CFAP299: variants seen among roughly 807,000 people sequenced by gnomAD.
CFAP299 encodes the protein cilia- and flagella-associated protein 299.
In CFAP299, 21 loss-of-function variants were observed where a neutral mutation model predicts 27.0. The ratio of observed to expected loss-of-function variants is 0.78; its 90% CI spans 0.55 to 1.12. The LOEUF (loss-of-function observed/expected upper bound fraction) is 1.12. CFAP299 is among the 50% of genes most tolerant of loss of function. The pLI is 0.00. For missense variants in CFAP299, 310 were observed against 276.6 expected (o/e 1.12, Z -0.86); for synonymous variants, 104 against 98.1 (o/e 1.06, Z -0.36).
At chr4:80,598,771 C>T (rs1266948588) in intron 3 of CFAP299, among the ~76,000 whole-genome samples, 1 of 152,148 alleles carries the variant, frequency 6.6e-6, no homozygotes, top group Non-Finnish European at 1.5e-5. Flanking sequence ...AACTGCAAAT[C>T]GTGTTTAAGC....
chr4:80,706,397 A>C (rs986106945), intron 3 of CFAP299, among the ~76,000 whole-genome samples: 7 of 151,794 alleles, frequency 4.6e-5, no homozygotes, highest in Admixed American at 1.3e-4. Context: ...ATAAACTTCA[A>C]AGTTTCAAAG....
chr4:80,608,886 T>C (rs1737821180), intron 3 of CFAP299, among the ~76,000 whole-genome samples: 1 of 151,652 alleles, frequency 6.6e-6, no homozygotes, highest in Non-Finnish European at 1.5e-5. Flanking sequence ...TGTGTGTGTG[T>C]GTGTATGTGC....
chr4:80,879,272 A>G (rs1733571210), intron 4 of CFAP299, among the ~76,000 whole-genome samples: 1 of 152,158 alleles, frequency 6.6e-6, no homozygotes. Context: ...GTAGCCCTAT[A>G]AGTCTAGTGA....
intron 2 of CFAP299, among the ~76,000 whole-genome samples, chr4:80,493,817 A>G (rs6826355): frequency 0.34 from 39,831 of 118,112 alleles, 8,068 homozygotes; most frequent in African/African-American, 0.62. Flanking sequence ...CGCCCAGGCC[A>G]GACTGCGGAC....
intron 2 of CFAP299, among the ~76,000 whole-genome samples, chr4:80,512,392 C>T (rs948840709): frequency 6.6e-6 from 1 of 152,082 alleles, no homozygotes; most frequent in East Asian, 1.9e-4. Flanking sequence ...AAAATTGCAC[C>T]TAACTTTTAC....
chr4:80,898,471 G>A (rs1359448701), intron 4 of CFAP299, among the ~76,000 whole-genome samples: 1 of 152,074 alleles, frequency 6.6e-6, no homozygotes, highest in Non-Finnish European at 1.5e-5. Flanking sequence ...GGCACTGGAT[G>A]TGGGGGGTGG....
chr4:80,673,310 T>C (rs1741614750), intron 3 of CFAP299, among the ~76,000 whole-genome samples: 1 of 152,178 alleles, frequency 6.6e-6, no homozygotes, highest in Non-Finnish European at 1.5e-5. Flanking sequence ...TTCCATGTAG[T>C]TGAGCGGTTT....
chr4:80,482,579 T>A (rs967902158), intron 2 of CFAP299, among the ~76,000 whole-genome samples: 1 of 152,068 alleles, frequency 6.6e-6, no homozygotes, highest in Non-Finnish European at 1.5e-5. Context: ...TGGGCAGAAA[T>A]TAGAAGAGGT....
intron 1 of CFAP299, among the ~76,000 whole-genome samples, chr4:80,349,162 C>A (rs1338355316): frequency 1.3e-5 from 2 of 152,288 alleles, no homozygotes; most frequent in Admixed American, 1.3e-4. Context: ...AGTCACAGAG[C>A]TAACCATGCA....
At chr4:80,557,906 C>T (rs1034634268) in intron 2 of CFAP299, among the ~76,000 whole-genome samples, 1 of 152,096 alleles carries the variant, frequency 6.6e-6, no homozygotes, top group Non-Finnish European at 1.5e-5. Flanking sequence ...AGCTAACTTT[C>T]GCCACCAAAA....
chr4:80,353,701 T>A, intron 1 of CFAP299, among the ~76,000 whole-genome samples: 1 of 151,862 alleles, frequency 6.6e-6, no homozygotes, highest in African/African-American at 2.4e-5. Flanking sequence ...CTGGGCAGGT[T>A]GAGAGGGCAG....
Position 80,944,891 on chromosome 4 carries a change from AC to A in CFAP299, c.559del (p.Leu187PhefsTer29), listed in dbSNP as rs762559834. On this transcript the variant is annotated frameshift_variant, in exon 5 of 6. Coordinates refer to ENST00000358105, the MANE Select transcript of CFAP299 (RefSeq NM_152770.3). LOFTEE classifies it high-confidence loss of function. Reference sequence around the variant, plus strand: ...TGATTGCCGATAATCCAGAAGGCTTACTTTTCAGATACAAAAGAGACAGAAA... The same window carrying A: ...TGATTGCCGATAATCCAGAAGGCTTATTTTCAGATACAAAAGAGACAGAAA... The part of the protein sequence containing the change: ...QVIADNPEGL[L>X]FRYKRDRKIL... 1 of 1,613,004 alleles carries A rather than the reference AC, an allele frequency of 6.2e-7. No homozygotes were observed. The highest frequency in any genetic ancestry group is 8.5e-7 in the Non-Finnish European group (1 of 1,179,200).
intron 2 of CFAP299, among the ~76,000 whole-genome samples, chr4:80,375,065 G>A (rs1213409761): frequency 1.3e-5 from 2 of 152,086 alleles, no homozygotes; most frequent in African/African-American, 2.4e-5. Context: ...CCTGGAACAA[G>A]CAATGGCCCG....
chr4:80,515,184 A>AT (rs1379559459), intron 2 of CFAP299, among the ~76,000 whole-genome samples: 1 of 152,168 alleles, frequency 6.6e-6, no homozygotes, highest in Non-Finnish European at 1.5e-5. Flanking sequence ...CCACCAAGTG[A>AT]TTTTCCATTG....
At position 80,390,522 on chromosome 4, in the gene CFAP299, T is replaced by TATATATGTATACACAC. The variant is rs1560543021; in HGVS notation, c.242+27649_242+27650insCACACATATATGTATA. ...ATATGTATATATACACACATATATG[T>TATATATGTATACACAC]ATATATGTATATATGTATACACACA... On this transcript the variant is annotated intron_variant, in intron 2 of 5. Transcript: ENST00000358105. Among the ~76,000 whole-genome samples, 37 of 40,004 alleles carry TATATATGTATACACAC rather than the reference T, an allele frequency of 9.2e-4. 3 individuals carry two copies. The highest frequency in any genetic ancestry group is 2.2e-3 in the African/African-American group (34 of 15,584). 26.2% of individuals were successfully genotyped at this position (40,004 alleles called of 152,430 possible).
rs556330103 is a variant in CFAP299, at chr4:80,671,876, C to G, written c.333+88693C>G. On this transcript the variant is annotated intron_variant, in intron 3 of 5. Coordinates refer to ENST00000358105, the MANE Select transcript of CFAP299 (RefSeq NM_152770.3). ...CTGAGACTTTGCTGAAGTTGCTTAT[C>G]AGCTTAAGGAGATTTTGGACTGAGA... Among the ~76,000 whole-genome samples the G allele has an allele frequency of 9.2e-5, 14 of 152,262 alleles. No homozygotes were observed. In the East Asian group the frequency reaches 2.3e-3, roughly 25 times the overall value.
At position 80,879,953 on chromosome 4, in the gene CFAP299, T is replaced by G. The variant is rs139673962; in HGVS notation, c.476+9818T>G. ...TTCCTATAATCTGTCTTTACTATCA[T>G]TCATGCATTTGGAGGTCTACAAAGT... On this transcript the variant is annotated intron_variant, in intron 4 of 5. Transcript: ENST00000358105. Among the ~76,000 whole-genome samples the G allele has an allele frequency of 2.9e-3, 439 of 152,348 alleles. 2 individuals carry two copies. The highest frequency in any genetic ancestry group is 0.01 in the African/African-American group (425 of 41,588).
intron 4 of CFAP299, among the ~76,000 whole-genome samples, chr4:80,937,027 C>T (rs988716995): frequency 6.6e-6 from 1 of 151,920 alleles, no homozygotes; most frequent in African/African-American, 2.4e-5. Context: ...GGTGATCTAT[C>T]CAATGATATA....
At chr4:80,882,765 T>C (rs1042301960) in intron 4 of CFAP299, among the ~76,000 whole-genome samples, 2 of 151,652 alleles carry the variant, frequency 1.3e-5, no homozygotes, top group Non-Finnish European at 1.5e-5. Context: ...TGAGATAATA[T>C]ATTCAAAATA....
Sources: gnomAD v4.1 joint callset for allele counts (sites outside exome capture counted in the v4.1 genomes callset) on GRCh38, gnomAD v4.1.1 for gene constraint, MANE v1.5 for transcripts, NCBI Gene and HGNC (gene_info 2026-07-23, HGNC 2026-07-21) for gene names.